NTRK3: variants seen among roughly 807,000 people sequenced by gnomAD.
NTRK3 encodes the protein NT-3 growth factor receptor.
A neutral mutation model predicts 91.7 loss-of-function variants in NTRK3; 24 were observed. That is an observed-to-expected ratio of 0.26 (90% CI 0.19 to 0.37). The LOEUF is 0.37. Among genes scored for constraint, NTRK3 ranks in the 10% least tolerant of loss-of-function variants. The pLI, the probability that NTRK3 is intolerant of heterozygous loss-of-function variation, is 1.00. For missense variants in NTRK3, 880 were observed against 1,068.9 expected (o/e 0.82, Z 2.46); for synonymous variants, 483 against 404.0 (o/e 1.20, Z -2.34).
chr15:87,974,534 A>G (rs1406020137), intron 14 of NTRK3, among the ~76,000 whole-genome samples: 1 of 149,150 alleles, frequency 6.7e-6, no homozygotes, highest in Non-Finnish European at 1.5e-5. Flanking sequence ...CCACCTTCCT[A>G]TCTGAAGCTT....
At chr15:88,006,156 G>A (rs1484883983) in intron 14 of NTRK3, among the ~76,000 whole-genome samples, 1 of 152,184 alleles carries the variant, frequency 6.6e-6, no homozygotes, top group African/African-American at 2.4e-5. Context: ...GCAAGCACCA[G>A]GGTGGATGAT....
chr15:87,997,320 A>T (rs925293146), intron 14 of NTRK3, among the ~76,000 whole-genome samples: 2 of 152,192 alleles, frequency 1.3e-5, no homozygotes, highest in Non-Finnish European at 2.9e-5. Context: ...TGAGTGTCCT[A>T]AGAAGAGAGA....
At chr15:87,950,785 T>G (rs898961603) in intron 14 of NTRK3, among the ~76,000 whole-genome samples, 1 of 152,202 alleles carries the variant, frequency 6.6e-6, no homozygotes, top group African/African-American at 2.4e-5. Context: ...AATTTCTTCC[T>G]CTCACCTGCT....
intron 13 of NTRK3, among the ~76,000 whole-genome samples, chr15:88,048,849 T>C (rs1179157341): frequency 6.6e-6 from 1 of 152,214 alleles, no homozygotes; most frequent in African/African-American, 2.4e-5. Flanking sequence ...ACAAGGGTCC[T>C]GAGTTCTAAT....
intron 3 of NTRK3, among the ~76,000 whole-genome samples, chr15:88,198,959 A>G (rs997574824): frequency 3.9e-5 from 6 of 152,136 alleles, no homozygotes; most frequent in Non-Finnish European, 7.4e-5. Context: ...CCTGTTTCTC[A>G]GTCACAAATT....
At chr15:88,161,809 G>GCTCATGAGTCC (rs753625960) in intron 5 of NTRK3, among the ~76,000 whole-genome samples, 4 of 152,168 alleles carry the variant, frequency 2.6e-5, no homozygotes, top group Admixed American at 6.5e-5. Flanking sequence ...ATGCTGAGCT[G>GCTCATGAGTCC]CTCATGAGTC....
intron 17 of NTRK3, among the ~76,000 whole-genome samples, chr15:87,901,678 T>C (rs2066460933): frequency 6.6e-6 from 1 of 150,572 alleles, no homozygotes; most frequent in Non-Finnish European, 1.5e-5. Flanking sequence ...CTTCGCTCAA[T>C]CCTCCTAAAA....
intron 13 of NTRK3, among the ~76,000 whole-genome samples, chr15:88,065,577 C>T (rs1436935767): frequency 2.6e-5 from 4 of 152,112 alleles, no homozygotes; most frequent in Non-Finnish European, 4.4e-5. Context: ...AACCTATACC[C>T]CTACCAGATG....
chr15:88,184,636 C>T (rs1052619674), intron 3 of NTRK3, among the ~76,000 whole-genome samples: 6 of 152,216 alleles, frequency 3.9e-5, no homozygotes, highest in African/African-American at 1.4e-4. Flanking sequence ...TTCCTCTGTT[C>T]CCCTTCTTTC....
chr15:88,180,266 G>T (rs1567594986), intron 5 of NTRK3, among the ~76,000 whole-genome samples: 1 of 152,112 alleles, frequency 6.6e-6, no homozygotes, highest in Non-Finnish European at 1.5e-5. Flanking sequence ...CCTTAATCCA[G>T]AATTCTTAGG....
intron 3 of NTRK3, among the ~76,000 whole-genome samples, chr15:88,203,115 C>T (rs986208379): frequency 2.4e-4 from 37 of 152,282 alleles, no homozygotes; most frequent in African/African-American, 7.9e-4. Context: ...GCAATGATGG[C>T]GGACAAATAT....
chr15:87,874,289 C>G, exon 19 of NTRK3: 1 of 36,806 alleles, frequency 2.7e-5, no homozygotes, highest in Non-Finnish European at 5.2e-5. Flanking sequence ...CTGCCCCTCT[C>G]TCTCTGGCAC....
chr15:87,976,786 T>C (rs773633660), intron 14 of NTRK3, among the ~76,000 whole-genome samples: 1 of 152,218 alleles, frequency 6.6e-6, no homozygotes, highest in Non-Finnish European at 1.5e-5. Context: ...GACAAGTGTG[T>C]TGACCTGTAC....
At chr15:88,172,494 G>A (rs1042289464) in intron 5 of NTRK3, among the ~76,000 whole-genome samples, 1 of 152,158 alleles carries the variant, frequency 6.6e-6, no homozygotes. Flanking sequence ...ACAGCCCAGA[G>A]GCCAGAATGT....
chr15:87,949,479 T>C (rs2070892017), intron 14 of NTRK3, among the ~76,000 whole-genome samples: 1 of 151,166 alleles, frequency 6.6e-6, no homozygotes, highest in African/African-American at 2.4e-5. Context: ...AAGATGAACA[T>C]ATAAATAAGA....
chr15:88,128,765 A>G (rs745689500), intron 10 of NTRK3, 31 bp from the exon 11 acceptor site: 3 of 1,603,966 alleles, frequency 1.9e-6, no homozygotes, highest in Non-Finnish European at 2.6e-6. Context: ...GATAATTAAC[A>G]AATTTAATAA....
At chr15:88,012,109 C>A (rs1315210112) in intron 14 of NTRK3, among the ~76,000 whole-genome samples, 1 of 152,158 alleles carries the variant, frequency 6.6e-6, no homozygotes, top group Non-Finnish European at 1.5e-5. Flanking sequence ...CCTTGTGCAG[C>A]ATGAAGGAGA....
rs2052580236 is a variant in NTRK3, at chr15:88,243,720, T to C, written c.248+12186A>G. Among the ~76,000 whole-genome samples, 1 of 152,174 alleles carries C rather than the reference T, an allele frequency of 6.6e-6. No homozygotes were observed. On this transcript the variant is annotated intron_variant, in intron 3 of 18. Transcript: ENST00000394480. The surrounding 1 kb of genome is among the most constrained non-coding windows in gnomAD (Gnocchi z 4.8). ...AGTCTCTTGGCTAAGGCCAACCAGA[T>C]AGACTGTATGAAAGCATGTCAAAAA...
intron 13 of NTRK3, among the ~76,000 whole-genome samples, chr15:88,067,226 C>T (rs3784429): frequency 0.58 from 88,713 of 151,964 alleles, 27,370 homozygotes; most frequent in African/African-American, 0.81. Context: ...GACTCCCACA[C>T]GCCATTTTTT....
Sources: gnomAD v4.1 joint callset for allele counts (sites outside exome capture counted in the v4.1 genomes callset) on GRCh38, gnomAD v4.1.1 for gene constraint, Gnocchi (gnomAD v3.1) non-coding constraint, MANE v1.5 for transcripts, NCBI Gene and HGNC (gene_info 2026-07-23, HGNC 2026-07-21) for gene names.